TFPI: variants seen among roughly 807,000 people sequenced by gnomAD.
TFPI encodes tissue factor pathway inhibitor, also known as anti-convertin.
TFPI carries 15 observed loss-of-function variants against 34.6 expected under a neutral mutation model. The observed-to-expected ratio is 0.43, with a 90% CI of 0.29 to 0.67. The LOEUF (loss-of-function observed/expected upper bound fraction) is 0.67, where lower values mean the gene tolerates loss of function less well. Among genes scored for constraint, TFPI ranks in the 30% least tolerant of loss-of-function variants. The pLI is 0.15. For synonymous variants in TFPI, 105 were observed against 120.1 expected, an observed-to-expected ratio of 0.87 and a Z score of 0.82; for missense variants, 301 against 364.0, an observed-to-expected ratio of 0.83 and a Z score of 1.41.
At chr2:187,509,261 TTTG>T (rs1329759290) in intron 1 of TFPI, among the ~76,000 whole-genome samples, 43 of 152,292 alleles carry the variant, frequency 2.8e-4, no homozygotes, top group African/African-American at 9.9e-4. Flanking sequence ...AATGTTCTTT[TTTG>T]TTGTTGTGTG....
rs150773659 is a variant in TFPI, at chr2:187,531,435, C to T, written c.-3+22765G>A. Among the ~76,000 whole-genome samples the T allele has an allele frequency of 9.7e-3, 1,471 of 152,050 alleles. 13 individuals carry two copies. The highest frequency in any genetic ancestry group is 0.014 in the Non-Finnish European group (981 of 67,958). Reference sequence around the variant, plus strand: ...TCAGCACCTTATTGATGTAATAATTCGTTTCTTTTTACAGTTATTACAAGT... The same window carrying T: ...TCAGCACCTTATTGATGTAATAATTTGTTTCTTTTTACAGTTATTACAAGT... On this transcript the variant is annotated intron_variant, in intron 1 of 7. Transcript: ENST00000233156.
intron 1 of TFPI, among the ~76,000 whole-genome samples, chr2:187,531,168 G>A (rs1338552507): frequency 6.6e-6 from 1 of 152,144 alleles, no homozygotes; most frequent in African/African-American, 2.4e-5. Flanking sequence ...GCTAACTACT[G>A]TCTGTAGAAA....
intron 1 of TFPI, among the ~76,000 whole-genome samples, chr2:187,553,633 C>G (rs2106342731): frequency 6.6e-6 from 1 of 152,196 alleles, no homozygotes; most frequent in East Asian, 1.9e-4. Context: ...GTTTAAGTAT[C>G]TCAGAATATG....
chr2:187,533,358 CAGAGGAA>C (rs1688072431), intron 1 of TFPI, among the ~76,000 whole-genome samples: 2 of 152,116 alleles, frequency 1.3e-5, no homozygotes, highest in South Asian at 4.1e-4. Flanking sequence ...ATGAGGCTTC[CAGAGGAA>C]GGAATAGCAG....
intron 6 of TFPI, among the ~76,000 whole-genome samples, chr2:187,470,001 A>G (rs1691942723): frequency 6.6e-6 from 1 of 152,156 alleles, no homozygotes; most frequent in Non-Finnish European, 1.5e-5. Context: ...GCTTCCAGTT[A>G]TCACCTATGT....
rs144896601 is a variant in TFPI, at chr2:187,512,894, T to A, written c.-2-9124A>T. Among the ~76,000 whole-genome samples, 597 of 152,224 alleles carry A rather than the reference T, an allele frequency of 3.9e-3. 1 individual carries two copies. The highest frequency in any genetic ancestry group is 0.014 in the African/African-American group (570 of 41,566). On this transcript the variant is annotated intron_variant, in intron 1 of 7. Transcript: ENST00000233156. ...TAATAAGTCAGAAAGTTAACGCATG[T>A]CAAAGAATTGTCTGTGAAAGTCATG... is the stretch of plus-strand genomic sequence containing the variant.
intron 3 of TFPI, among the ~76,000 whole-genome samples, chr2:187,493,075 C>T (rs1685230243): frequency 6.6e-6 from 1 of 152,292 alleles, no homozygotes; most frequent in Non-Finnish European, 1.5e-5. Flanking sequence ...CTACATTTCC[C>T]TTCTGCACTG....
chr2:187,506,279 CA>C, intron 1 of TFPI, among the ~76,000 whole-genome samples: 1 of 152,034 alleles, frequency 6.6e-6, no homozygotes, highest in Admixed American at 6.6e-5. Flanking sequence ...TTGATAAGCC[CA>C]TAATCCTGGC....
intron 4 of TFPI, 33 bp downstream of exon 4, chr2:187,488,304 A>G (rs368315911): frequency 7.7e-5 from 119 of 1,539,944 alleles, no homozygotes; most frequent in Non-Finnish European, 1.1e-5. Flanking sequence ...CCTTACATAA[A>G]TGCTTCAAAT....
intron 1 of TFPI, among the ~76,000 whole-genome samples, chr2:187,549,679 G>C (rs367608898): frequency 1.2e-4 from 18 of 152,100 alleles, no homozygotes; most frequent in African/African-American, 4.1e-4. Context: ...ATATCACATA[G>C]CTCCTGGGAT....
In TFPI at chr2:187,476,513, T is replaced by C. The variant is rs544304958; in HGVS notation, c.628+7611A>G. Among the ~76,000 whole-genome samples, 39 of 152,202 alleles carry C rather than the reference T, an allele frequency of 2.6e-4. No individual in the cohort carries two copies. The South Asian group carries it at 7.3e-3, about 28-fold the overall frequency. On this transcript the variant is annotated intron_variant, in intron 6 of 7. Coordinates refer to ENST00000233156, the MANE Select transcript of TFPI (RefSeq NM_006287.6). The stretch of plus-strand genomic sequence containing the variant: ...GGCCACCATACTGAGCTAATTATTT[T>C]ATCTTTTGTAGAGAGAGGGTCTCTG...
At chr2:187,547,744 T>G (rs998727088) in intron 1 of TFPI, 2 of 152,188 alleles carry the variant, frequency 1.3e-5, no homozygotes, top group African/African-American at 4.8e-5. Context: ...ATCCAATAAA[T>G]AGTACTCTTT....
At chr2:187,548,011 C>T (rs1217691148) in intron 1 of TFPI, among the ~76,000 whole-genome samples, 2 of 151,938 alleles carry the variant, frequency 1.3e-5, no homozygotes, top group African/African-American at 2.4e-5. Flanking sequence ...TCACATGGTA[C>T]ACTTTTCATA....
chr2:187,525,882 C>T (rs1385899724), intron 1 of TFPI, among the ~76,000 whole-genome samples: 1 of 152,044 alleles, frequency 6.6e-6, no homozygotes, highest in East Asian at 1.9e-4. Flanking sequence ...CCCTAGCCAA[C>T]TAAAACAGAC....
chr2:187,496,848 G>T (rs372062758), intron 3 of TFPI, 33 bp downstream of exon 3: 231 of 1,594,680 alleles, frequency 1.4e-4, no homozygotes, highest in Non-Finnish European at 1.9e-4. Flanking sequence ...AGCCCTAAAG[G>T]GTCTTGAGTA....
At chr2:187,515,395 C>T (rs1574473730) in intron 1 of TFPI, 1 of 152,174 alleles carries the variant, frequency 6.6e-6, no homozygotes, top group Non-Finnish European at 1.5e-5. Flanking sequence ...ATCAGAGAGC[C>T]CAGTTAAACA....
intron 1 of TFPI, among the ~76,000 whole-genome samples, chr2:187,508,193 A>G (rs1686361859): frequency 6.6e-6 from 1 of 152,158 alleles, no homozygotes; most frequent in South Asian, 2.1e-4. Flanking sequence ...TACCTGTACC[A>G]TGCTGTTTTG....
intron 2 of TFPI, among the ~76,000 whole-genome samples, chr2:187,498,967 A>G (rs1389417072): frequency 6.6e-6 from 1 of 152,022 alleles, no homozygotes; most frequent in Admixed American, 6.6e-5. Context: ...TTGACAAAAT[A>G]TAATGTTTGT....
intron 1 of TFPI, among the ~76,000 whole-genome samples, chr2:187,553,426 A>T (rs1436868857): frequency 1.2e-4 from 18 of 152,062 alleles, no homozygotes; most frequent in Admixed American, 1.2e-3. Context: ...TTTTATACTA[A>T]TGAGTGCTTT....
Sources: allele counts gnomAD v4.1 joint callset (sites outside exome capture counted in the v4.1 genomes callset), GRCh38; gene constraint gnomAD v4.1.1; transcripts MANE v1.5; gene names NCBI Gene and HGNC (gene_info 2026-07-23, HGNC 2026-07-21).